Variants in PTPN13 observed in about 807,000 individuals in gnomAD.
PTPN13 encodes the protein protein tyrosine phosphatase non-receptor type 13, also known as tyrosine-protein phosphatase non-receptor type 13.
A neutral mutation model predicts 284.0 loss-of-function variants in PTPN13; 191 were observed. That is an observed-to-expected ratio of 0.67 (90% CI 0.60 to 0.76). PTPN13 has a LOEUF of 0.76. Ranked by LOEUF, PTPN13 falls within the 30% of genes least tolerant of loss-of-function variation. The pLI is 0.00. For synonymous variants in PTPN13, 986 were observed against 1,022.3 expected, an observed-to-expected ratio of 0.96 and a Z score of 0.68; for missense variants, 2,797 against 2,939.9, an observed-to-expected ratio of 0.95 and a Z score of 1.12.
At chr4:86,641,274 G>A (rs1001589097) in intron 2 of PTPN13, among the ~76,000 whole-genome samples, 1 of 152,012 alleles carries the variant, frequency 6.6e-6, no homozygotes, top group East Asian at 1.9e-4. Flanking sequence ...AGCAGGTAAA[G>A]TATAATGGTG....
At chr4:86,744,099 A>G (rs1347740431) in intron 16 of PTPN13, among the ~76,000 whole-genome samples, 4 of 152,100 alleles carry the variant, frequency 2.6e-5, no homozygotes, top group African/African-American at 9.7e-5. Flanking sequence ...TGATTCTCCT[A>G]CTTTCTCTAT....
intron 1 of PTPN13, among the ~76,000 whole-genome samples, chr4:86,605,845 T>C (rs1331359865): frequency 6.6e-6 from 1 of 151,746 alleles, no homozygotes; most frequent in Non-Finnish European, 1.5e-5. Context: ...ATAGGTAAAG[T>C]TGGGAATCAT....
intron 10 of PTPN13, among the ~76,000 whole-genome samples, chr4:86,723,371 G>A (rs1400990660): frequency 6.6e-6 from 1 of 152,112 alleles, no homozygotes; most frequent in African/African-American, 2.4e-5. Context: ...ATTCTCACAG[G>A]AGCATGAACC....
chr4:86,604,851 CA>C (rs1764614100), intron 1 of PTPN13, among the ~76,000 whole-genome samples: 1 of 151,460 alleles, frequency 6.6e-6, no homozygotes, highest in Non-Finnish European at 1.5e-5. Context: ...TGGTTGCTAC[CA>C]AAAAACTTAA....
chr4:86,596,028 A>G lies in PTPN13; in HGVS notation c.-6+1239A>G, dbSNP rs1763734753. On this transcript the variant is annotated intron_variant, in intron 1 of 47. Coordinates refer to ENST00000411767, the MANE Select transcript of PTPN13 (RefSeq NM_080683.3). ...ACTAGGAGCATTTGTTAGTAAATTC[A>G]TACATATATTGATTTAGTAAATTTA... Among the ~76,000 whole-genome samples, 4 of 152,198 alleles carry G rather than the reference A, an allele frequency of 2.6e-5. 1 individual carries two copies. In the South Asian group the frequency reaches 8.3e-4, roughly 32 times the overall value.
intron 5 of PTPN13, among the ~76,000 whole-genome samples, chr4:86,692,813 A>G (rs1189582542): frequency 6.6e-6 from 1 of 152,082 alleles, no homozygotes; most frequent in East Asian, 1.9e-4. Context: ...GGCATAGTGG[A>G]TCACGCCTGT....
chr4:86,634,165 T>G (rs1722765374), intron 1 of PTPN13, among the ~76,000 whole-genome samples: 1 of 152,204 alleles, frequency 6.6e-6, no homozygotes, highest in Non-Finnish European at 1.5e-5. Context: ...AAAGTCAACT[T>G]TTATCTAAAA....
chr4:86,809,586 T>C (rs1414747990), intron 45 of PTPN13, among the ~76,000 whole-genome samples, 183 bp from the exon 46 acceptor site: 1 of 152,042 alleles, frequency 6.6e-6, no homozygotes, highest in African/African-American at 2.4e-5. Flanking sequence ...TAATCCCAGC[T>C]ACTATGAGGC....
At chr4:86,770,859 G>T (rs1235923015) in intron 30 of PTPN13, among the ~76,000 whole-genome samples, 1 of 152,028 alleles carries the variant, frequency 6.6e-6, no homozygotes, top group Non-Finnish European at 1.5e-5. Flanking sequence ...GCCATCCATT[G>T]GACCATTATA....
chr4:86,782,137 A>G (rs1346690126), intron 36 of PTPN13, 64 bp from the exon 37 acceptor site: 1 of 1,127,392 alleles, frequency 8.9e-7, no homozygotes, highest in Non-Finnish European at 1.3e-6. Context: ...TTCTTTAATT[A>G]TTTTGATGTC....
rs912972869 is a variant in PTPN13 at position 86,647,982 on chromosome 4, A to G, written c.115+12611A>G. On this transcript the variant is annotated intron_variant, in intron 2 of 47. Coordinates refer to ENST00000411767, the MANE Select transcript of PTPN13 (RefSeq NM_080683.3). ...GTTATAGCAGCCCCCAAAAATGAAT[A>G]CAGGCAGAATAAAAAAAATTAATAA... Among the ~76,000 whole-genome samples the G allele has an allele frequency of 1.8e-4, 27 of 152,180 alleles. 1 individual carries two copies.
chr4:86,768,099 A>T (rs896397656), intron 28 of PTPN13, 123 bp downstream of exon 28: 8 of 864,704 alleles, frequency 9.3e-6, no homozygotes, highest in Non-Finnish European at 1.4e-5. Flanking sequence ...TCAAGTACAA[A>T]TAATAATCTG....
At chr4:86,777,886 G>T (rs1740842980) in intron 35 of PTPN13, among the ~76,000 whole-genome samples, 1 of 152,138 alleles carries the variant, frequency 6.6e-6, no homozygotes, top group South Asian at 2.1e-4. Flanking sequence ...GGAGGGGAGG[G>T]AAGTCTTCAA....
intron 15 of PTPN13, among the ~76,000 whole-genome samples, chr4:86,736,926 A>C (rs1286681345): frequency 6.6e-6 from 1 of 152,238 alleles, no homozygotes; most frequent in African/African-American, 2.4e-5. Flanking sequence ...TAACTTAAGA[A>C]GTTTTATCTT....
At chr4:86,795,435 TTGG>T (rs1711857493) in intron 40 of PTPN13, among the ~76,000 whole-genome samples, 1 of 152,170 alleles carries the variant, frequency 6.6e-6, no homozygotes, top group Non-Finnish European at 1.5e-5. Flanking sequence ...TTTTACACTG[TTGG>T]TGGGAGTGTA....
chr4:86,629,032 C>T (rs886097531), intron 1 of PTPN13, among the ~76,000 whole-genome samples: 19 of 151,978 alleles, frequency 1.3e-4, no homozygotes, highest in African/African-American at 4.3e-4. Flanking sequence ...AGGACATAGG[C>T]GTGGGCAAGG....
intron 42 of PTPN13, 115 bp downstream of exon 42, chr4:86,799,319 T>C: frequency 8.4e-6 from 2 of 238,412 alleles, no homozygotes. Context: ...ATTATTTGCT[T>C]TTTTTTTTTT....
At chr4:86,667,006 C>G (rs115473261) in intron 2 of PTPN13, among the ~76,000 whole-genome samples, 1 of 152,166 alleles carries the variant, frequency 6.6e-6, no homozygotes, top group South Asian at 2.1e-4. Context: ...ATTGTACGGG[C>G]TACTCTCTGT....
intron 1 of PTPN13, among the ~76,000 whole-genome samples, chr4:86,618,305 T>G (rs1720814167): frequency 6.6e-6 from 1 of 152,224 alleles, no homozygotes; most frequent in Non-Finnish European, 1.5e-5. Context: ...TTGGTACCAG[T>G]ACCATGCTGT....
Sources: allele counts gnomAD v4.1 joint callset (sites outside exome capture counted in the v4.1 genomes callset), GRCh38; gene constraint gnomAD v4.1.1; transcripts MANE v1.5; gene names NCBI Gene and HGNC (gene_info 2026-07-23, HGNC 2026-07-21).